Variants in DOCK3 observed in about 807,000 individuals in gnomAD.
The protein encoded by DOCK3 is dedicator of cytokinesis 3.
A neutral mutation model predicts 265.6 loss-of-function variants in DOCK3; 60 were observed. That is an observed-to-expected ratio of 0.23 (90% confidence interval 0.18 to 0.28). The LOEUF (loss-of-function observed/expected upper bound fraction) is 0.28. Among genes scored for constraint, DOCK3 ranks in the 10% least tolerant of loss-of-function variants. The pLI is 1.00. For synonymous variants in DOCK3, 881 were observed against 938.0 expected (o/e 0.94, Z 1.11); for missense variants, 1,981 against 2,594.3 (o/e 0.76, Z 5.14).
intron 5 of DOCK3, among the ~76,000 whole-genome samples, chr3:50,940,289 CAAAAA>C (rs34253657): frequency 6.8e-5 from 8 of 117,356 alleles, no homozygotes; most frequent in African/African-American, 1.9e-4. Flanking sequence ...CCATTTCTAC[CAAAAA>C]AAAAAAAAAA....
intron 23 of DOCK3, among the ~76,000 whole-genome samples, chr3:51,269,137 C>CTCTATA (rs1553823421): frequency 1.3e-4 from 19 of 141,594 alleles, no homozygotes; most frequent in African/African-American, 4.2e-4. Flanking sequence ...CTCTCTCTCT[C>CTCTATA]TATATATATA....
At chr3:50,763,996 TTTAA>T (rs1359854369) in intron 1 of DOCK3, among the ~76,000 whole-genome samples, 2 of 152,248 alleles carry the variant, frequency 1.3e-5, no homozygotes, top group Non-Finnish European at 2.9e-5. Flanking sequence ...TCAAACACTA[TTTAA>T]TTAATTCACT....
intron 5 of DOCK3, among the ~76,000 whole-genome samples, chr3:50,975,470 C>T (rs987822824): frequency 1.3e-5 from 2 of 150,804 alleles, no homozygotes; most frequent in African/African-American, 2.4e-5. Flanking sequence ...TTGAACCAGC[C>T]TTGCATCCCA....
intron 32 of DOCK3, among the ~76,000 whole-genome samples, chr3:51,329,108 G>A (rs140168634): frequency 6.6e-6 from 1 of 152,236 alleles, no homozygotes; most frequent in Non-Finnish European, 1.5e-5. Flanking sequence ...AGCCGAGATC[G>A]CGCCTGTGCA....
At chr3:51,159,490 G>T (rs575287244) in intron 11 of DOCK3, among the ~76,000 whole-genome samples, 186 bp downstream of exon 11, 5 of 152,216 alleles carry the variant, frequency 3.3e-5, no homozygotes, top group African/African-American at 1.2e-4. Context: ...GATATAAATG[G>T]ATTCGGGGGG....
intron 5 of DOCK3, among the ~76,000 whole-genome samples, chr3:50,984,829 A>C (rs1048486071): frequency 4.6e-5 from 7 of 152,232 alleles, no homozygotes; most frequent in African/African-American, 1.7e-4. Context: ...CAGAAATTTA[A>C]AAATAATATA....
intron 3 of DOCK3, among the ~76,000 whole-genome samples, chr3:50,872,099 G>A (rs1158032758): frequency 6.6e-6 from 1 of 152,186 alleles, no homozygotes; most frequent in Non-Finnish European, 1.5e-5. Flanking sequence ...GATACTTGTA[G>A]AGTTTTGTCT....
At chr3:51,297,369 T>C (rs1386277933) in intron 27 of DOCK3, among the ~76,000 whole-genome samples, 1 of 152,150 alleles carries the variant, frequency 6.6e-6, no homozygotes, top group Non-Finnish European at 1.5e-5. Flanking sequence ...TAAAAATTTT[T>C]GTGCTTCAAA....
At chr3:50,766,471 C>T (rs1303466298) in intron 1 of DOCK3, among the ~76,000 whole-genome samples, 2 of 152,064 alleles carry the variant, frequency 1.3e-5, no homozygotes, top group African/African-American at 4.8e-5. Flanking sequence ...TTTATGGCTG[C>T]ATAGTATTCC....
chr3:50,871,452 T>A (rs946635889), intron 3 of DOCK3, among the ~76,000 whole-genome samples: 1 of 152,122 alleles, frequency 6.6e-6, no homozygotes, highest in Non-Finnish European at 1.5e-5. Context: ...ATCCTTTTTT[T>A]AATCCTTGAT....
intron 3 of DOCK3, among the ~76,000 whole-genome samples, chr3:50,874,687 G>A (rs1159563865): frequency 6.6e-6 from 1 of 151,942 alleles, no homozygotes; most frequent in Non-Finnish European, 1.5e-5. Context: ...TTATTCCTAA[G>A]TATTTTATTT....
At chr3:51,281,914 C>T (rs954407409) in intron 27 of DOCK3, among the ~76,000 whole-genome samples, 1 of 152,200 alleles carries the variant, frequency 6.6e-6, no homozygotes, top group Non-Finnish European at 1.5e-5. Flanking sequence ...AAAAGATCTA[C>T]ACTGAGACAA....
intron 2 of DOCK3, among the ~76,000 whole-genome samples, chr3:50,804,563 C>A (rs1168333510): frequency 1.3e-5 from 2 of 152,150 alleles, no homozygotes; most frequent in Non-Finnish European, 1.5e-5. Context: ...ACGGCGAAAC[C>A]CCATCTCCAC....
chr3:50,698,517 GTT>G, intron 1 of DOCK3, among the ~76,000 whole-genome samples: 21 of 19,512 alleles, frequency 1.1e-3, no homozygotes, highest in South Asian at 4.0e-3. Flanking sequence ...TATGTTTTTG[GTT>G]TTTTTTTTTT....
At chr3:51,169,687 A>T (rs2086580423) in intron 12 of DOCK3, among the ~76,000 whole-genome samples, 1 of 152,052 alleles carries the variant, frequency 6.6e-6, no homozygotes, top group Admixed American at 6.6e-5. Context: ...AACCCTTATG[A>T]TACGAGTTTA....
intron 40 of DOCK3, among the ~76,000 whole-genome samples, chr3:51,354,154 G>A (rs567364558): frequency 3.9e-5 from 6 of 152,198 alleles, no homozygotes; most frequent in African/African-American, 1.4e-4. Flanking sequence ...ACTGGGCACT[G>A]GGCAACATTA....
chr3:50,892,526 T>C (rs2048690666), intron 4 of DOCK3, among the ~76,000 whole-genome samples: 1 of 152,098 alleles, frequency 6.6e-6, no homozygotes, highest in African/African-American at 2.4e-5. Context: ...TTGTCCCAGA[T>C]TGTGACTCTT....
At chr3:50,983,260 T>C (rs1040595958) in intron 5 of DOCK3, among the ~76,000 whole-genome samples, 2 of 152,146 alleles carry the variant, frequency 1.3e-5, no homozygotes, top group Non-Finnish European at 2.9e-5. Context: ...AGTGCTATGA[T>C]GACAGGAGGA....
intron 12 of DOCK3, among the ~76,000 whole-genome samples, chr3:51,170,658 T>C (rs930276870): frequency 2.0e-5 from 3 of 152,110 alleles, no homozygotes; most frequent in Non-Finnish European, 2.9e-5. Context: ...AACTAAAGAT[T>C]TGTCAGCCGG....
Sources: allele counts gnomAD v4.1 joint callset (sites outside exome capture counted in the v4.1 genomes callset), GRCh38; gene constraint gnomAD v4.1.1; transcripts MANE v1.5; gene names NCBI Gene and HGNC (gene_info 2026-07-23, HGNC 2026-07-21).